GATAD2B: variants seen among roughly 807,000 people sequenced by gnomAD.
The protein encoded by GATAD2B is GATA zinc finger domain containing 2B.
GATAD2B carries 8 observed loss-of-function variants against 64.3 expected under a neutral mutation model. The ratio of observed to expected loss-of-function variants is 0.12; its 90% CI spans 0.07 to 0.22. The LOEUF is 0.22. Ranked by LOEUF, GATAD2B falls within the 10% of genes least tolerant of loss-of-function variation. The pLI is 1.00. For synonymous variants in GATAD2B, 281 were observed against 271.3 expected, an observed-to-expected ratio of 1.04 and a Z score of -0.35; for missense variants, 453 against 752.0, an observed-to-expected ratio of 0.60 and a Z score of 4.65.
At chr1:153,821,769 TTTTGGCCAGGCTGGTCTCAAACTCC>T (rs1224030179) in intron 2 of GATAD2B, among the ~76,000 whole-genome samples, 1 of 151,554 alleles carries the variant, frequency 6.6e-6, no homozygotes, top group Non-Finnish European at 1.5e-5. Context: ...GGTTTCACCG[TTTTGGCCAGGCTGGTCTCAAACTCC>T]TGACCTCGTG....
intron 1 of GATAD2B, among the ~76,000 whole-genome samples, chr1:153,869,471 T>C (rs996605645): frequency 5.9e-5 from 9 of 152,196 alleles, no homozygotes; most frequent in African/African-American, 1.9e-4. Flanking sequence ...TGGGTTATAA[T>C]CTATTTATCA....
chr1:153,871,335 G>T (rs1570977179), intron 1 of GATAD2B, among the ~76,000 whole-genome samples: 1 of 152,104 alleles, frequency 6.6e-6, no homozygotes, highest in East Asian at 1.9e-4. Flanking sequence ...AAAGTGCTGG[G>T]ATTACAGGCG....
At chr1:153,831,699 A>T (rs753233111) in intron 1 of GATAD2B, among the ~76,000 whole-genome samples, 18 of 152,150 alleles carry the variant, frequency 1.2e-4, no homozygotes, top group Admixed American at 2.0e-4. Flanking sequence ...AGGGACTAGA[A>T]AGTGGAGTGC....
intron 1 of GATAD2B, among the ~76,000 whole-genome samples, chr1:153,888,870 T>C (rs1677266284): frequency 6.6e-6 from 1 of 152,110 alleles, no homozygotes; most frequent in Non-Finnish European, 1.5e-5. Context: ...ATCTTTCACT[T>C]CTGTTGTGAA....
chr1:153,817,277 C>T, intron 6 of GATAD2B, 95 bp downstream of exon 6: 1 of 1,170,372 alleles, frequency 8.5e-7, no homozygotes. Context: ...TAGAGTTTAT[C>T]TATGTATAAA....
chr1:153,848,984 C>T (rs1348378243), intron 1 of GATAD2B, among the ~76,000 whole-genome samples: 2 of 147,976 alleles, frequency 1.4e-5, no homozygotes, highest in African/African-American at 5.0e-5. Context: ...CCCCCCCCCT[C>T]CCCCAGACTG....
intron 2 of GATAD2B, chr1:153,827,542 G>T: frequency 6.2e-6 from 1 of 162,512 alleles, no homozygotes; most frequent in Non-Finnish European, 1.3e-5. Flanking sequence ...GATACAGCAA[G>T]AATGCAGAGA....
At chr1:153,833,966 C>G (rs1675172203) in intron 1 of GATAD2B, among the ~76,000 whole-genome samples, 1 of 151,556 alleles carries the variant, frequency 6.6e-6, no homozygotes, top group South Asian at 2.1e-4. Context: ...CAGTAAGACC[C>G]TGTCTCTCTC....
At chr1:153,823,902 G>A (rs916351214) in intron 2 of GATAD2B, among the ~76,000 whole-genome samples, 1 of 151,648 alleles carries the variant, frequency 6.6e-6, no homozygotes, top group South Asian at 2.1e-4. Context: ...GCTAATTTTT[G>A]TATTTTTAGT....
intron 1 of GATAD2B, among the ~76,000 whole-genome samples, chr1:153,840,194 G>A (rs1235161590): frequency 7.6e-4 from 110 of 144,106 alleles, no homozygotes; most frequent in Admixed American, 2.2e-3. Flanking sequence ...CATCACGCCC[G>A]GCTAATTTTT....
chr1:153,898,601 C>A (rs748713450), intron 1 of GATAD2B, among the ~76,000 whole-genome samples: 11 of 152,064 alleles, frequency 7.2e-5, no homozygotes, highest in Admixed American at 2.6e-4. Flanking sequence ...TGTGCCAGTG[C>A]ACGCCTGTAG....
At chr1:153,858,542 C>A (rs1025286134) in intron 1 of GATAD2B, among the ~76,000 whole-genome samples, 1 of 152,060 alleles carries the variant, frequency 6.6e-6, no homozygotes, top group Non-Finnish European at 1.5e-5. Flanking sequence ...GAGGTCAAGG[C>A]TGCAGTGAGC....
intron 7 of GATAD2B, among the ~76,000 whole-genome samples, chr1:153,815,652 G>A (rs531673587): frequency 2.0e-5 from 3 of 150,874 alleles, no homozygotes; most frequent in Admixed American, 2.0e-4. Flanking sequence ...ACCTGCTGAA[G>A]GGAAAAAAAA....
intron 1 of GATAD2B, among the ~76,000 whole-genome samples, chr1:153,901,206 T>G (rs1677760112): frequency 7.0e-6 from 1 of 143,316 alleles, no homozygotes; most frequent in South Asian, 2.3e-4. Context: ...AGAGCAAAAT[T>G]CTACCTCAAA....
chr1:153,877,891 A>C (rs1204880592), intron 1 of GATAD2B, among the ~76,000 whole-genome samples: 1 of 146,258 alleles, frequency 6.8e-6, no homozygotes. Flanking sequence ...AAAACTTAAA[A>C]AAAAAAAAAA....
intron 1 of GATAD2B, among the ~76,000 whole-genome samples, chr1:153,904,623 C>A (rs1192115537): frequency 6.6e-6 from 1 of 152,104 alleles, no homozygotes; most frequent in Non-Finnish European, 1.5e-5. Context: ...CTCACTGCAA[C>A]CTCCACCTCA....
At chr1:153,864,613 T>C (rs1676416996) in intron 1 of GATAD2B, among the ~76,000 whole-genome samples, 1 of 149,576 alleles carries the variant, frequency 6.7e-6, no homozygotes, top group Admixed American at 6.7e-5. Context: ...CAAAACCCTG[T>C]GAAAGAAAGA....
intron 1 of GATAD2B, among the ~76,000 whole-genome samples, chr1:153,847,964 A>AAAAC (rs755922483): frequency 2.6e-5 from 4 of 152,210 alleles, no homozygotes; most frequent in African/African-American, 4.8e-5. Context: ...GAGTAACTGT[A>AAAAC]AAACAAACAA....
rs1674061406 is a variant in GATAD2B at position 153,804,739 on chromosome 1, CCTTT to C, written c.*5434_*5437del. 1 of 152,562 alleles carries C rather than the reference CCTTT, an allele frequency of 6.6e-6. No individual in the cohort carries two copies. The highest frequency in any genetic ancestry group is 1.5e-5 in the Non-Finnish European group (1 of 68,022). 9.5% of individuals were successfully genotyped at this position (152,562 alleles called of 1,614,324 possible). The stretch of plus-strand genomic sequence containing the variant: ...CCACAGGAAAGTTTTAGAAACCATT[CCTTT>C]CTTTATTAAACATAGCTTGCAAGTG... On this transcript the variant is annotated 3_prime_UTR_variant, in exon 11 of 11. Transcript: ENST00000368655.
Sources: allele counts gnomAD v4.1 joint callset (sites outside exome capture counted in the v4.1 genomes callset), GRCh38; gene constraint gnomAD v4.1.1; transcripts MANE v1.5; gene names NCBI Gene and HGNC (gene_info 2026-07-23, HGNC 2026-07-21).